The following BNC2 variants were observed in gnomAD, a reference collection of about 807,000 sequenced individuals.
The protein encoded by BNC2 is zinc finger protein basonuclin-2.
Under a neutral mutation model 76.3 loss-of-function variants are expected in BNC2, and 20 were observed. That is an observed-to-expected ratio of 0.26 (90% CI 0.18 to 0.38). BNC2 has a LOEUF of 0.38. Ranked by LOEUF, BNC2 falls within the 10% of genes least tolerant of loss-of-function variation. The pLI is 1.00. For missense variants in BNC2, 1,382 were observed against 1,399.8 expected, an observed-to-expected ratio of 0.99 and a Z score of 0.20; for synonymous variants, 582 against 514.8, an observed-to-expected ratio of 1.13 and a Z score of -1.77.
intron 5 of BNC2, among the ~76,000 whole-genome samples, chr9:16,475,371 A>G (rs1214966649): frequency 1.3e-5 from 2 of 152,196 alleles, no homozygotes; most frequent in Admixed American, 1.3e-4. Context: ...CTATGTTGCT[A>G]TGGTGCATGC....
At chr9:16,615,359 T>C (rs1051041875) in intron 3 of BNC2, among the ~76,000 whole-genome samples, 1 of 152,140 alleles carries the variant, frequency 6.6e-6, no homozygotes, top group African/African-American at 2.4e-5. Flanking sequence ...TACTGAATAT[T>C]TAAGATTAAG....
At chr9:16,503,304 A>G (rs1421736260) in intron 5 of BNC2, among the ~76,000 whole-genome samples, 2 of 152,196 alleles carry the variant, frequency 1.3e-5, no homozygotes, top group African/African-American at 4.8e-5. Flanking sequence ...AAAGCAGAAT[A>G]TCATTCTTCC....
chr9:16,614,958 T>TTAAAAAAAAAAA (rs1820655766), intron 3 of BNC2, among the ~76,000 whole-genome samples: 3 of 62,520 alleles, frequency 4.8e-5, no homozygotes, highest in African/African-American at 2.0e-4. Flanking sequence ...TCTGTCTCTT[T>TTAAAAAAAAAAA]AAAAAAAAAA....
intron 4 of BNC2, among the ~76,000 whole-genome samples, chr9:16,572,924 C>A (rs991794712): frequency 1.3e-5 from 2 of 152,032 alleles, no homozygotes; most frequent in African/African-American, 4.8e-5. Flanking sequence ...ACGATTACCA[C>A]GTCTAATGGA....
At chr9:16,682,470 T>C (rs1822854101) in intron 3 of BNC2, among the ~76,000 whole-genome samples, 1 of 151,952 alleles carries the variant, frequency 6.6e-6, no homozygotes, top group South Asian at 2.1e-4. Flanking sequence ...CAGTAGCTTG[T>C]CAAATTATTA....
chr9:16,494,691 G>A (rs1822349641), intron 5 of BNC2, among the ~76,000 whole-genome samples: 1 of 152,106 alleles, frequency 6.6e-6, no homozygotes, highest in Non-Finnish European at 1.5e-5. Flanking sequence ...AGAGATGAAG[G>A]GAAAAGGAGA....
rs777992590 is a variant in BNC2, at chr9:16,436,491, G to C, written c.1703C>G (p.Pro568Arg). 6.2e-7 allele frequency: 1 copy of C among 1,614,092 alleles called. No homozygotes were observed. The highest frequency in any genetic ancestry group is 1.1e-5 in the South Asian group (1 of 91,072). ...TAAACTTCTATAAAATGGAGGAACT[G>C]GTTGTACAGTCTTTAGCCCAGAAAA... Reference protein sequence around the residue: ...LVFSGLKTVQPVPPFYRSLLT... With the variant: ...LVFSGLKTVQRVPPFYRSLLT... The change falls in exon 6 of 7, where the codon CCA (proline) becomes CGA (arginine). Residue 568 changes from proline (P) to arginine (R), a missense_variant. Pro to Arg is a moderately radical substitution (Grantham distance 103, BLOSUM62 -2). Coordinates refer to ENST00000380672, the MANE Select transcript of BNC2 (RefSeq NM_017637.6).
chr9:16,494,700 G>A (rs937530759), intron 5 of BNC2, among the ~76,000 whole-genome samples: 2 of 152,170 alleles, frequency 1.3e-5, no homozygotes, highest in East Asian at 3.9e-4. Context: ...GGGAAAAGGA[G>A]ACACGTCATG....
At chr9:16,688,110 T>A (rs373727162) in intron 3 of BNC2, among the ~76,000 whole-genome samples, 2 of 152,132 alleles carry the variant, frequency 1.3e-5, no homozygotes, top group Non-Finnish European at 1.5e-5. Flanking sequence ...AAATCAAAAT[T>A]GGTTCACAAA....
chr9:16,495,249 G>A (rs1039758490), intron 5 of BNC2, among the ~76,000 whole-genome samples: 2 of 152,178 alleles, frequency 1.3e-5, no homozygotes, highest in Admixed American at 6.5e-5. Flanking sequence ...GGCCTAACAT[G>A]AGAGAGGGTA....
At chr9:16,663,818 A>C (rs79712163) in intron 3 of BNC2, among the ~76,000 whole-genome samples, 1 of 152,214 alleles carries the variant, frequency 6.6e-6, no homozygotes, top group Non-Finnish European at 1.5e-5. Context: ...AAGCAGACAC[A>C]TGAAAACAGA....
intron 1 of BNC2, among the ~76,000 whole-genome samples, chr9:16,780,851 AT>A (rs1449151825): frequency 6.6e-6 from 1 of 152,128 alleles, no homozygotes; most frequent in Admixed American, 6.5e-5. Context: ...AAGAAAAAAA[AT>A]GTTTACTTTA....
At chr9:16,732,162 A>AAAAAAAAAAAAGAAAAAG (rs59888253) in intron 2 of BNC2, among the ~76,000 whole-genome samples, 3 of 123,588 alleles carry the variant, frequency 2.4e-5, no homozygotes, top group Admixed American at 8.3e-5. Context: ...TCCTGCAAAA[A>AAAAAAAAAAAAGAAAAAG]AAAAAGAAAA....
At chr9:16,479,482 C>T (rs1437806010) in intron 5 of BNC2, among the ~76,000 whole-genome samples, 1 of 152,078 alleles carries the variant, frequency 6.6e-6, no homozygotes, top group East Asian at 1.9e-4. Flanking sequence ...AAGAGCCTTC[C>T]TCTTCAATAT....
intron 1 of BNC2, among the ~76,000 whole-genome samples, chr9:16,807,774 A>G (rs1195911402): frequency 6.6e-6 from 1 of 152,238 alleles, no homozygotes; most frequent in Non-Finnish European, 1.5e-5. Flanking sequence ...TTCCAGTTAG[A>G]AAGTGATTTC....
intron 3 of BNC2, among the ~76,000 whole-genome samples, chr9:16,637,073 A>G (rs1031362360): frequency 2.6e-5 from 4 of 151,836 alleles, no homozygotes; most frequent in African/African-American, 9.7e-5. Flanking sequence ...TTCTTGCCAT[A>G]TAGAAAGAGG....
At chr9:16,482,624 A>G (rs1267930720) in intron 5 of BNC2, among the ~76,000 whole-genome samples, 1 of 152,164 alleles carries the variant, frequency 6.6e-6, no homozygotes, top group African/African-American at 2.4e-5. Context: ...AATCTTACTT[A>G]CTTTCCAACC....
At chr9:16,528,408 T>C (rs1290183001) in intron 5 of BNC2, among the ~76,000 whole-genome samples, 3 of 152,194 alleles carry the variant, frequency 2.0e-5, no homozygotes, top group Admixed American at 6.5e-5. Flanking sequence ...CAACTCAGTA[T>C]ATATTGAGCT....
At chr9:16,538,483 A>G (rs1818197422) in intron 5 of BNC2, among the ~76,000 whole-genome samples, 1 of 152,204 alleles carries the variant, frequency 6.6e-6, no homozygotes, top group African/African-American at 2.4e-5. Context: ...GTGACTTCAC[A>G]GGCAGTTTTT....
Sources: gnomAD v4.1 joint callset for allele counts (sites outside exome capture counted in the v4.1 genomes callset) on GRCh38, gnomAD v4.1.1 for gene constraint, MANE v1.5 for transcripts, NCBI Gene and HGNC (gene_info 2026-07-23, HGNC 2026-07-21) for gene names.